ACAD11: variants seen among roughly 807,000 people sequenced by gnomAD.
ACAD11 encodes acyl-CoA dehydrogenase family member 11.
A neutral mutation model predicts 102.2 loss-of-function variants in ACAD11; 83 were observed. The observed-to-expected ratio is 0.81, with a 90% CI of 0.68 to 0.97. The LOEUF is 0.97. Among genes scored for constraint, ACAD11 ranks in the 50% least tolerant of loss-of-function variants. ACAD11 has a pLI of 0.00. For missense variants in ACAD11, 901 were observed against 951.7 expected (o/e 0.95, Z 0.70); for synonymous variants, 324 against 319.8 (o/e 1.01, Z -0.14).
Position 132,619,640 on chromosome 3 carries a change from G to A in ACAD11, c.1198-95C>T, listed in dbSNP as rs1319955908. On this transcript the variant is annotated intron_variant, in intron 9 of 19. Coordinates refer to ENST00000264990, the MANE Select transcript of ACAD11 (RefSeq NM_032169.5). ...TAATATCTAAAATAAACATTTTTAG[G>A]TGAAGATGCTTTTTCAGCTATTATT... 4 of 620,164 alleles carry A rather than the reference G, an allele frequency of 6.4e-6. No individual in the cohort carries two copies. The Admixed American group carries it at 1.3e-4, about 20-fold the overall frequency. The allele number at this position is 620,164 out of a possible 1,614,324, so 38.4% of individuals were successfully genotyped here.
At chr3:132,628,525 T>C (rs1576603701) in intron 7 of ACAD11, 79 bp from the exon 8 acceptor site, 7 of 1,015,200 alleles carry the variant, frequency 6.9e-6, no homozygotes, top group South Asian at 3.1e-5. Context: ...AGTTTCTCAG[T>C]TATATGTGAC....
chr3:132,612,011 T>G (rs1187625021), intron 11 of ACAD11, among the ~76,000 whole-genome samples: 1 of 152,030 alleles, frequency 6.6e-6, no homozygotes. Flanking sequence ...AGCATGGTAC[T>G]GGTACTAAAA....
At chr3:132,613,186 T>C (rs1576590382) in intron 11 of ACAD11, among the ~76,000 whole-genome samples, 1 of 134,596 alleles carries the variant, frequency 7.4e-6, no homozygotes, top group Non-Finnish European at 1.5e-5. Context: ...TGAGAACACA[T>C]GGACACAGGA....
intron 13 of ACAD11, among the ~76,000 whole-genome samples, chr3:132,583,048 G>A (rs911108539): frequency 1.3e-5 from 2 of 152,156 alleles, no homozygotes; most frequent in African/African-American, 4.8e-5. Flanking sequence ...TTGGTATCAG[G>A]ATGATGCTGG....
intron 1 of ACAD11, chr3:132,659,375 A>G (rs1938000071): frequency 1.8e-6 from 1 of 549,838 alleles, no homozygotes; most frequent in African/African-American, 2.0e-5. Flanking sequence ...TCCTTTGGAT[A>G]GTAGAATGGT....
chr3:132,636,282 G>C (rs2107875493), intron 5 of ACAD11, among the ~76,000 whole-genome samples: 1 of 152,284 alleles, frequency 6.6e-6, no homozygotes, highest in Admixed American at 6.5e-5. Context: ...TCTTACTGCT[G>C]CTAGGGAACT....
At chr3:132,635,782 T>A (rs1458205967) in intron 5 of ACAD11, among the ~76,000 whole-genome samples, 2 of 152,132 alleles carry the variant, frequency 1.3e-5, no homozygotes, top group African/African-American at 4.8e-5. Context: ...ACTTTGCCAT[T>A]GTTACTGTGG....
intron 1 of ACAD11, among the ~76,000 whole-genome samples, chr3:132,655,161 A>G (rs1414009673): frequency 1.3e-5 from 2 of 152,196 alleles, no homozygotes; most frequent in African/African-American, 2.4e-5. Context: ...TACTTACACT[A>G]TGACCACTTC....
intron 15 of ACAD11, 35 bp from the exon 16 acceptor site, chr3:132,577,050 AG>A (rs778217116): frequency 2.3e-6 from 3 of 1,305,732 alleles, no homozygotes; most frequent in Non-Finnish European, 3.3e-6. Context: ...GAGCAAAAGG[AG>A]TTGACTAAAA....
chr3:132,571,124 A>G (rs760243173), intron 17 of ACAD11, among the ~76,000 whole-genome samples: 11 of 152,202 alleles, frequency 7.2e-5, no homozygotes, highest in Non-Finnish European at 1.5e-4. Flanking sequence ...CCAACAGTGT[A>G]TAAGCCTTCC....
intron 11 of ACAD11, among the ~76,000 whole-genome samples, chr3:132,615,574 G>T (rs977593467): frequency 6.6e-6 from 1 of 152,234 alleles, no homozygotes; most frequent in East Asian, 1.9e-4. Context: ...ACTAATACAG[G>T]AGCAGAAAAC....
chr3:132,646,132 G>A (rs866734014), intron 1 of ACAD11, among the ~76,000 whole-genome samples: 37 of 151,706 alleles, frequency 2.4e-4, no homozygotes, highest in Admixed American at 2.1e-3. Context: ...GCCCGCCACC[G>A]CACCCGGCTA....
At chr3:132,573,758 T>G (rs1937450279) in intron 17 of ACAD11, among the ~76,000 whole-genome samples, 1 of 152,218 alleles carries the variant, frequency 6.6e-6, no homozygotes. Context: ...CTAGATTTGC[T>G]GAAAAGCATT....
At chr3:132,610,395 A>G (rs922655214) in intron 11 of ACAD11, among the ~76,000 whole-genome samples, 1 of 152,236 alleles carries the variant, frequency 6.6e-6, no homozygotes, top group Non-Finnish European at 1.5e-5. Flanking sequence ...AAGGAAATAC[A>G]GACACAAAAA....
intron 13 of ACAD11, among the ~76,000 whole-genome samples, chr3:132,595,075 TAAG>T (rs1202092236): frequency 1.3e-5 from 2 of 152,172 alleles, no homozygotes; most frequent in African/African-American, 4.8e-5. Flanking sequence ...TAGAACATGT[TAAG>T]TGCTATGGGT....
chr3:132,620,348 C>T (rs1939560448), intron 9 of ACAD11: 1 of 152,196 alleles, frequency 6.6e-6, no homozygotes, highest in South Asian at 2.1e-4. Flanking sequence ...TTTAAGTTTA[C>T]AGTGTTTCTG....
At position 132,648,487 on chromosome 3, in the gene ACAD11, T is replaced by G. The variant is rs1940800965; in HGVS notation, c.150-3591A>C. 9 of 152,130 alleles carry G rather than the reference T, an allele frequency of 5.9e-5. No individual in the cohort carries two copies. The South Asian group carries it at 1.7e-3, about 28-fold the overall frequency. The allele number at this position is 152,130 out of a possible 1,614,324, so 9.4% of individuals were successfully genotyped here. A position where few individuals can be genotyped will look rare whatever the true frequency, so the allele number is the denominator to read the frequency against. Reference sequence around the variant, plus strand: ...CATCATCCTAGAGGGTGCATCTACCTGCATCTCTAAGCTTTAGAAACTCAG... The same window carrying G: ...CATCATCCTAGAGGGTGCATCTACCGGCATCTCTAAGCTTTAGAAACTCAG... On this transcript the variant is annotated intron_variant, in intron 1 of 19. Coordinates refer to ENST00000264990, the MANE Select transcript of ACAD11 (RefSeq NM_032169.5).
At position 132,629,440 on chromosome 3, in the gene ACAD11, G is replaced by A. The variant is rs530700705; in HGVS notation, c.964-994C>T. ...CTCCCAAAGTGCTGGGATTACAGGC[G>A]TGAGCCACCGTGCCTGGCCTATGTT... On this transcript the variant is annotated intron_variant, in intron 7 of 19. Coordinates refer to ENST00000264990, the MANE Select transcript of ACAD11 (RefSeq NM_032169.5). Among the ~76,000 whole-genome samples, 32 of 152,290 alleles carry A rather than the reference G, an allele frequency of 2.1e-4. No individual in the cohort carries two copies. In the South Asian group the frequency reaches 3.5e-3, roughly 17 times the overall value.
intron 1 of ACAD11, among the ~76,000 whole-genome samples, chr3:132,651,636 T>G (rs1442218306): frequency 6.6e-6 from 1 of 152,210 alleles, no homozygotes; most frequent in African/African-American, 2.4e-5. Flanking sequence ...TTGATCATAC[T>G]GCCATTCACC....
Sources: gnomAD v4.1 joint callset for allele counts (sites outside exome capture counted in the v4.1 genomes callset) on GRCh38, gnomAD v4.1.1 for gene constraint, MANE v1.5 for transcripts, NCBI Gene and HGNC (gene_info 2026-07-23, HGNC 2026-07-21) for gene names.